Variants in ABR observed in about 807,000 individuals in gnomAD.
ABR encodes the protein ABR activator of RhoGEF and GTPase, also known as active breakpoint cluster region-related protein.
Under a neutral mutation model 107.2 loss-of-function variants are expected in ABR, and 35 were observed. That is an observed-to-expected ratio of 0.33 (90% CI 0.25 to 0.43). The LOEUF (loss-of-function observed/expected upper bound fraction) is 0.43, where lower values mean the gene tolerates loss of function less well. Among genes scored for constraint, ABR ranks in the 20% least tolerant of loss-of-function variants. The probability of loss-of-function intolerance (pLI) is 1.00; values close to 1 mark genes in which losing one functional copy is unlikely to be tolerated. For synonymous variants in ABR, 498 were observed against 462.0 expected (o/e 1.08, Z -1.00); for missense variants, 815 against 1,115.2 (o/e 0.73, Z 3.83).
At chr17:1,214,589 G>A (rs573420796) in intron 1 of ABR, among the ~76,000 whole-genome samples, 58 of 151,756 alleles carry the variant, frequency 3.8e-4, no homozygotes, top group African/African-American at 1.1e-3. Context: ...ATCACCTGAC[G>A]TCAGGAGTTC....
At chr17:1,066,459 C>T (rs2586299) in intron 10 of ABR, among the ~76,000 whole-genome samples, 142,323 of 152,270 alleles carry the variant, frequency 0.93, 66,631 homozygotes, top group African/African-American at 0.98. Flanking sequence ...CTCCCAGGTC[C>T]TTTTCCTTGC....
chr17:1,008,975 C>G (rs571389549), intron 21 of ABR, among the ~76,000 whole-genome samples: 2 of 152,310 alleles, frequency 1.3e-5, no homozygotes, highest in East Asian at 3.9e-4. Context: ...GCTACTAACC[C>G]AAGCAAGTCT....
At chr17:1,083,703 C>G (rs554827951) in intron 4 of ABR, 76 bp from the exon 5 acceptor site, 5 of 1,245,034 alleles carry the variant, frequency 4.0e-6, no homozygotes, top group Non-Finnish European at 5.9e-6. Context: ...GAAAGCTTCA[C>G]GGAGCACCGG....
Position 1,078,701 on chromosome 17 carries a change from C to T in ABR, c.700+629G>A, listed in dbSNP as rs2035943139. On this transcript the variant is annotated intron_variant, in intron 6 of 22. Transcript: ENST00000302538. The surrounding 1 kb of genome is among the most constrained non-coding windows in gnomAD (Gnocchi z 7.5). ...GGGGGAATTCAGGTCCAGCCGCTCGCCCACCCTCCTTCCCTGCGGCCCTCT... is the reference window on the plus strand; with the variant it reads ...GGGGGAATTCAGGTCCAGCCGCTCGTCCACCCTCCTTCCCTGCGGCCCTCT... The T allele has an allele frequency of 1.7e-6, 2 of 1,148,630 alleles. No homozygotes were observed. Among genetic ancestry groups the T allele is most frequent in the South Asian group, 1.4e-5 (1 of 69,298 alleles). The allele number at this position is 1,148,630 out of a possible 1,614,324, so 71.2% of individuals were successfully genotyped here.
intron 16 of ABR, among the ~76,000 whole-genome samples, chr17:1,039,954 C>T (rs1236133294): frequency 1.3e-5 from 2 of 152,082 alleles, no homozygotes; most frequent in East Asian, 1.9e-4. Context: ...GGGTTGGGGA[C>T]GGGAGAGATG....
chr17:1,023,822 C>T (rs1470055314), intron 16 of ABR, among the ~76,000 whole-genome samples: 2 of 151,980 alleles, frequency 1.3e-5, no homozygotes, highest in Non-Finnish European at 2.9e-5. Context: ...GTCAGGAGTT[C>T]GAGACCAGCC....
intron 1 of ABR, among the ~76,000 whole-genome samples, chr17:1,218,612 A>G (rs954405607): frequency 4.6e-5 from 7 of 152,204 alleles, no homozygotes; most frequent in African/African-American, 7.2e-5. Flanking sequence ...CCTTAGTCTC[A>G]TGGGAACATA....
rs1230426931 is a variant in ABR, at chr17:1,009,714, G to T, written c.2307C>A (p.Leu769=). The T allele has an allele frequency of 6.2e-7, 1 of 1,614,166 alleles. No homozygotes were observed. The highest frequency in any genetic ancestry group is 1.7e-5 in the Admixed American group (1 of 60,032). Reference sequence around the variant, plus strand: ...GTTCCAGCAGGAAGAGGAAGGTGATGAGGTTGGGGTCGGGCAGGGAGCGGA... The same window carrying T: ...GTTCCAGCAGGAAGAGGAAGGTGATTAGGTTGGGGTCGGGCAGGGAGCGGA... The part of the protein sequence containing the change: ...HLLRSLPDPN[L]ITFLFLLEHL... The change falls in exon 21 of 23, where the codon CTC becomes CTA. Residue 769 remains leucine (L), a synonymous_variant. Transcript: ENST00000302538.
At chr17:1,024,065 TTC>T (rs1199441617) in intron 16 of ABR, among the ~76,000 whole-genome samples, 1 of 136,566 alleles carries the variant, frequency 7.3e-6, no homozygotes, top group African/African-American at 2.6e-5. Context: ...ATCAACAGCC[TTC>T]TCTGATACCA....
In ABR at chr17:1,185,357, G is replaced by A. The variant is rs73975669; in HGVS notation, c.-78+1443C>T. On this transcript the variant is annotated intron_variant, in intron 1 of 22. Transcript: ENST00000544583. The stretch of plus-strand genomic sequence containing the variant: ...GTGTTCACATCTGTAGACAGTATGC[G>A]CCCAGGGCCAGGCACAGTGGCTCAC... 4.1e-3 allele frequency among the ~76,000 whole-genome samples: 624 copies of A among 152,160 alleles called. 2 individuals are homozygous for A. The highest frequency in any genetic ancestry group is 0.014 in the African/African-American group (568 of 41,518).
chr17:1,043,911 G>C (rs528808255), intron 16 of ABR, among the ~76,000 whole-genome samples: 1 of 152,244 alleles, frequency 6.6e-6, no homozygotes, highest in East Asian at 1.9e-4. Flanking sequence ...GCCGGGGGGC[G>C]GGCAGGGGGT....
chr17:1,095,320 C>A (rs920938052), intron 3 of ABR, among the ~76,000 whole-genome samples: 7 of 152,332 alleles, frequency 4.6e-5, no homozygotes, highest in East Asian at 1.9e-4. Flanking sequence ...AAGGACGGGG[C>A]CTGCGCTTGG....
rs75634454 is a variant in ABR, at chr17:1,200,675, C to T, written c.838+28118G>A. Among the ~76,000 whole-genome samples, 1,635 of 152,248 alleles carry T rather than the reference C, an allele frequency of 0.011. 29 individuals carry two copies. The highest frequency in any genetic ancestry group is 0.037 in the African/African-American group (1,531 of 41,528). On this transcript the variant is annotated intron_variant, in intron 1 of 22. Transcript: ENST00000574139. The surrounding 1 kb of genome is among the most constrained non-coding windows in gnomAD (Gnocchi z 4.1). Reference sequence around the variant, plus strand: ...ATGACCTCACTTTATTCGGGGCCTCCGTGGTGCAGACACAAAGATGGATCC... The same window carrying T: ...ATGACCTCACTTTATTCGGGGCCTCTGTGGTGCAGACACAAAGATGGATCC...
chr17:1,108,844 G>T (rs1360970934), intron 2 of ABR: 1 of 1,416,280 alleles, frequency 7.1e-7, no homozygotes, highest in East Asian at 2.9e-5. Flanking sequence ...CCGGCCGCGC[G>T]CTCTGCGCCC....
At chr17:1,178,789 T>C (rs916142467) in intron 1 of ABR, among the ~76,000 whole-genome samples, 1 of 146,844 alleles carries the variant, frequency 6.8e-6, no homozygotes, top group Non-Finnish European at 1.5e-5. Flanking sequence ...TCGGGAAAGG[T>C]GTCTCAGGGA....
At position 1,154,994 on chromosome 17, in the gene ABR, A is replaced by T. The variant is rs2040984304; in HGVS notation, c.61+24673T>A. The T allele has an allele frequency of 6.6e-6, 1 of 151,684 alleles. No homozygotes were observed. Among genetic ancestry groups the T allele is most frequent in the African/African-American group, 2.4e-5 (1 of 41,224 alleles). The allele number at this position is 151,684 out of a possible 1,614,324, so 9.4% of individuals were successfully genotyped here. ...CGCTGTGCCAGGAGGAGGGATCTGC[A>T]GATCCCTTCCCGGGCGCCCTGGGGG... On this transcript the variant is annotated intron_variant, in intron 1 of 22. Coordinates refer to ENST00000302538, the MANE Select transcript of ABR (RefSeq NM_021962.5). This position sits in a 1 kb window ranked among gnomAD's most constrained non-coding sequence, Gnocchi z 4.0.
At chr17:1,139,547 C>T (rs1417026745) in intron 1 of ABR, among the ~76,000 whole-genome samples, 3 of 140,070 alleles carry the variant, frequency 2.1e-5, no homozygotes, top group Non-Finnish European at 4.8e-5. Flanking sequence ...CCACCGTGCC[C>T]GGCCTGTTTT....
At chr17:1,072,488 G>C in intron 8 of ABR, 126 bp downstream of exon 8, 1 of 471,094 alleles carries the variant, frequency 2.1e-6, no homozygotes, top group Non-Finnish European at 3.6e-6. Context: ...AGAAGGGGAC[G>C]AGGGACCTGC....
rs576644276 is a variant in ABR, at chr17:1,074,659, C to T, written c.701-982G>A. ...GACCCCTCCCCACATCCTCAAACCC[C>T]AGATAGCAAAGCACAGGAAGGCTGG... On this transcript the variant is annotated intron_variant, in intron 6 of 22. Coordinates refer to ENST00000302538, the MANE Select transcript of ABR (RefSeq NM_021962.5). Among the ~76,000 whole-genome samples, 509 of 152,382 alleles carry T rather than the reference C, an allele frequency of 3.3e-3. 2 individuals are homozygous for T. The highest frequency in any genetic ancestry group is 0.012 in the African/African-American group (491 of 41,590).
Sources: gnomAD v4.1 joint callset for allele counts (sites outside exome capture counted in the v4.1 genomes callset) on GRCh38, gnomAD v4.1.1 for gene constraint, Gnocchi (gnomAD v3.1) non-coding constraint, MANE v1.5 for transcripts, NCBI Gene and HGNC (gene_info 2026-07-23, HGNC 2026-07-21) for gene names.